PRKCZ: variants seen among roughly 807,000 people sequenced by gnomAD.
The protein encoded by PRKCZ is protein kinase C zeta, also known as protein kinase C zeta type.
Under a neutral mutation model 79.5 loss-of-function variants are expected in PRKCZ, and 33 were observed. That is an observed-to-expected ratio of 0.41 (90% CI 0.31 to 0.55). The LOEUF (loss-of-function observed/expected upper bound fraction) is 0.55, where lower values mean the gene tolerates loss of function less well. PRKCZ is among the 20% of genes least tolerant of loss of function. PRKCZ has a pLI of 0.19. For missense variants in PRKCZ, 578 were observed against 813.5 expected (o/e 0.71, Z 3.52); for synonymous variants, 342 against 320.9 (o/e 1.07, Z -0.70).
chr1:2,139,237 T>G (rs567429381), intron 5 of PRKCZ, among the ~76,000 whole-genome samples: 69 of 152,220 alleles, frequency 4.5e-4, no homozygotes, highest in Admixed American at 7.8e-4. Context: ...CAGCATGACC[T>G]CCACAGGTGA....
intron 4 of PRKCZ, among the ~76,000 whole-genome samples, chr1:2,105,261 C>T (rs1325132024): frequency 4.6e-5 from 7 of 152,202 alleles, no homozygotes; most frequent in Non-Finnish European, 5.9e-5. Flanking sequence ...TTGTCCCTGC[C>T]TGGGGGTGAG....
chr1:2,059,802 C>T (rs1105100), intron 4 of PRKCZ, among the ~76,000 whole-genome samples: 3 of 152,108 alleles, frequency 2.0e-5, no homozygotes, highest in Non-Finnish European at 4.4e-5. Flanking sequence ...GCGGGGGACT[C>T]GCTTGGCTGG....
chr1:2,108,439 C>T (rs540728107), intron 4 of PRKCZ, among the ~76,000 whole-genome samples: 115 of 152,326 alleles, frequency 7.5e-4, no homozygotes, highest in African/African-American at 2.6e-3. Context: ...AGCCTGGGTG[C>T]GTGGGGCCGT....
intron 7 of PRKCZ, 41 bp from the exon 8 acceptor site, chr1:2,148,831 A>C (rs1440885892): frequency 6.2e-6 from 10 of 1,602,576 alleles, no homozygotes; most frequent in Non-Finnish European, 7.7e-6. Context: ...TGCGTTCCTG[A>C]CCACACCGTA....
chr1:2,099,621 A>G (rs1667119091), intron 4 of PRKCZ, among the ~76,000 whole-genome samples: 1 of 152,152 alleles, frequency 6.6e-6, no homozygotes, highest in African/African-American at 2.4e-5. Context: ...GGGGCACGGC[A>G]CAGGCTGTGG....
At chr1:2,057,064 C>T (rs1228361358) in intron 3 of PRKCZ, among the ~76,000 whole-genome samples, 1 of 152,178 alleles carries the variant, frequency 6.6e-6, no homozygotes, top group Non-Finnish European at 1.5e-5. Context: ...ATGAAAACTG[C>T]TCTTAACAAA....
At chr1:2,081,276 G>T (rs1201843685) in intron 4 of PRKCZ, among the ~76,000 whole-genome samples, 1 of 151,810 alleles carries the variant, frequency 6.6e-6, no homozygotes, top group African/African-American at 2.4e-5. Context: ...CTTACTTATT[G>T]CTCAGATTGT....
intron 4 of PRKCZ, among the ~76,000 whole-genome samples, chr1:2,079,138 G>A (rs866740249): frequency 1.3e-4 from 20 of 152,180 alleles, no homozygotes; most frequent in Non-Finnish European, 2.1e-4. Flanking sequence ...CACTGCGCCC[G>A]GCCTGAAGGT....
In PRKCZ at chr1:2,177,364, C is replaced by G. The variant is rs1325747212; in HGVS notation, c.1575+2051C>G. 6.6e-6 allele frequency among the ~76,000 whole-genome samples: 1 copy of G among 152,190 alleles called. No individual in the cohort carries two copies. Among genetic ancestry groups the G allele is most frequent in the Admixed American group, 6.5e-5 (1 of 15,280 alleles). ...AGCTCAGTCTCCCCCGTGCCTTTCC[C>G]ACCCTCTCTCTTCCAAGCCCACCAC... On this transcript the variant is annotated intron_variant, in intron 16 of 17. Coordinates refer to ENST00000378567, the MANE Select transcript of PRKCZ (RefSeq NM_002744.6). The surrounding 1 kb of genome is among the most constrained non-coding windows in gnomAD (Gnocchi z 6.4).
rs937708928 is a variant in PRKCZ at position 2,094,706 on chromosome 1, G to A, written c.334+35115G>A. On this transcript the variant is annotated intron_variant, in intron 4 of 17. Transcript: ENST00000378567. The surrounding 1 kb of genome is among the most constrained non-coding windows in gnomAD (Gnocchi z 7.3). ...CTGAGGCGCCCGCTGTGCCCGGCTC[G>A]TTGAACCTTGGGCGCTGCCCGTTCT... Among the ~76,000 whole-genome samples the A allele has an allele frequency of 2.0e-5, 3 of 148,712 alleles. No homozygotes were observed. Among genetic ancestry groups the A allele is most frequent in the Non-Finnish European group, 3.0e-5 (2 of 67,258 alleles).
At chr1:2,109,114 G>T (rs1197832248) in intron 4 of PRKCZ, among the ~76,000 whole-genome samples, 1 of 152,138 alleles carries the variant, frequency 6.6e-6, no homozygotes, top group Non-Finnish European at 1.5e-5. Flanking sequence ...CCATCCCCAC[G>T]TCCTTCACTT....
chr1:2,172,008 A>C lies in PRKCZ; in HGVS notation c.1062-47A>C, dbSNP rs894833116. 1.3e-6 allele frequency: 2 copies of C among 1,543,248 alleles called. No homozygotes were observed. The highest frequency in any genetic ancestry group is 1.7e-6 in the Non-Finnish European group (2 of 1,145,822). On this transcript the variant is annotated intron_variant, in intron 11 of 17. Coordinates refer to ENST00000378567, the MANE Select transcript of PRKCZ (RefSeq NM_002744.6). This position sits in a 1 kb window ranked among gnomAD's most constrained non-coding sequence, Gnocchi z 7.8. ...GCCCCCAGGCTGGAGCTGTTGGCGC[A>C]GCCTCTGGCACAGGCACTGCCCCCA... is the stretch of plus-strand genomic sequence containing the variant.
At chr1:2,092,456 G>GC (rs985447824) in intron 4 of PRKCZ, among the ~76,000 whole-genome samples, 1 of 152,220 alleles carries the variant, frequency 6.6e-6, no homozygotes, top group African/African-American at 2.4e-5. Flanking sequence ...ACTCGGCCGC[G>GC]CCCTCCCCCT....
At position 2,070,950 on chromosome 1, in the gene PRKCZ, A is replaced by G. The variant is rs77895939; in HGVS notation, c.334+11359A>G. ...TCCCGCCCTCATAGCCCTGTAGCCT[A>G]GGGCAGAGAGGGGTCCTTGGCCGGG... is the stretch of plus-strand genomic sequence containing the variant. On this transcript the variant is annotated intron_variant, in intron 4 of 17. Coordinates refer to ENST00000378567, the MANE Select transcript of PRKCZ (RefSeq NM_002744.6). 3.1e-3 allele frequency among the ~76,000 whole-genome samples: 471 copies of G among 152,194 alleles called. 22 individuals are homozygous for G. In the East Asian group the frequency reaches 0.078, roughly 25 times the overall value.
chr1:2,138,688 C>T (rs1429952004), intron 5 of PRKCZ, among the ~76,000 whole-genome samples: 2 of 152,152 alleles, frequency 1.3e-5, no homozygotes, highest in Admixed American at 6.5e-5. Flanking sequence ...GTAATCCCAG[C>T]ACTTTGGGAG....
intron 4 of PRKCZ, among the ~76,000 whole-genome samples, chr1:2,102,599 TA>T (rs1378677581): frequency 6.6e-6 from 1 of 152,244 alleles, no homozygotes; most frequent in Non-Finnish European, 1.5e-5. Flanking sequence ...CCCAAAGTGC[TA>T]GGATTACAGG....
At chr1:2,115,031 C>T (rs560235049) in intron 4 of PRKCZ, among the ~76,000 whole-genome samples, 27 of 152,384 alleles carry the variant, frequency 1.8e-4, no homozygotes, top group Non-Finnish European at 3.1e-4. Flanking sequence ...GTCCTCTGGA[C>T]GCGGGGCCAC....
chr1:2,181,028 C>T (rs1367742609), intron 16 of PRKCZ, among the ~76,000 whole-genome samples: 1 of 152,172 alleles, frequency 6.6e-6, no homozygotes, highest in Admixed American at 6.5e-5. Flanking sequence ...CCATTCTGTG[C>T]CTGACCATGC....
rs1158538586 is a variant in PRKCZ at position 2,149,059 on chromosome 1, G to T, written c.687+135G>T. On this transcript the variant is annotated intron_variant, in intron 8 of 17. Coordinates refer to ENST00000378567, the MANE Select transcript of PRKCZ (RefSeq NM_002744.6). The surrounding 1 kb of genome is among the most constrained non-coding windows in gnomAD (Gnocchi z 4.1). ...GTGTTGCTAACTAATCTTCACGGGTGTGGATGTCTAGAAGGAAGTCCTTAT... is the reference window on the plus strand; with the variant it reads ...GTGTTGCTAACTAATCTTCACGGGTTTGGATGTCTAGAAGGAAGTCCTTAT... The T allele has an allele frequency of 1.1e-5, 10 of 942,536 alleles. No individual in the cohort carries two copies. Among genetic ancestry groups the T allele is most frequent in the African/African-American group, 1.6e-5 (1 of 60,700 alleles). 58.4% of individuals were successfully genotyped at this position (942,536 alleles called of 1,614,324 possible).
Sources: allele counts gnomAD v4.1 joint callset (sites outside exome capture counted in the v4.1 genomes callset), GRCh38; gene constraint gnomAD v4.1.1; non-coding constraint Gnocchi (gnomAD v3.1); transcripts MANE v1.5; gene names NCBI Gene and HGNC (gene_info 2026-07-23, HGNC 2026-07-21).